The following MYO1B variants were observed in gnomAD, a reference collection of about 807,000 sequenced individuals.
MYO1B encodes the protein myosin IB.
MYO1B carries 72 observed loss-of-function variants against 159.7 expected under a neutral mutation model. That is an observed-to-expected ratio of 0.45 (90% CI 0.37 to 0.55). The LOEUF is 0.55. MYO1B is among the 20% of genes least tolerant of loss of function. The probability of loss-of-function intolerance (pLI) is 0.00; values close to 1 mark genes in which losing one functional copy is unlikely to be tolerated. For missense variants in MYO1B, 1,062 were observed against 1,364.8 expected (o/e 0.78, Z 3.50); for synonymous variants, 468 against 473.8 (o/e 0.99, Z 0.16).
intron 15 of MYO1B, among the ~76,000 whole-genome samples, chr2:191,384,691 C>T (rs1218626015): frequency 3.3e-5 from 5 of 152,194 alleles, no homozygotes; most frequent in African/African-American, 1.2e-4. Flanking sequence ...TTCAGAATTT[C>T]TGATTAGTAT....
chr2:191,383,494 G>GTATATATATATATATATA (rs372620525), intron 15 of MYO1B, 152 bp downstream of exon 15: 3 of 65,876 alleles, frequency 4.6e-5, no homozygotes, highest in Admixed American at 1.9e-4. Context: ...ATATATATGT[G>GTATATATATATATATATA]TATATATATA....
intron 13 of MYO1B, among the ~76,000 whole-genome samples, chr2:191,378,131 A>G (rs772002601): frequency 6.6e-6 from 1 of 152,054 alleles, no homozygotes; most frequent in Admixed American, 6.5e-5. Context: ...GAGCCTTAGC[A>G]CGGTACTACA....
intron 3 of MYO1B, among the ~76,000 whole-genome samples, chr2:191,297,556 T>G (rs1468024573): frequency 6.6e-6 from 1 of 152,220 alleles, no homozygotes; most frequent in African/African-American, 2.4e-5. Context: ...ACAGATGATA[T>G]GCTGAAAACA....
At chr2:191,402,762 A>C (rs1476646233) in intron 24 of MYO1B, 44 bp downstream of exon 24, 1 of 1,487,196 alleles carries the variant, frequency 6.7e-7, no homozygotes, top group East Asian at 2.3e-5. Flanking sequence ...GAACTTCATA[A>C]AGCCTAGCAC....
chr2:191,299,085 A>G (rs1427585981), intron 3 of MYO1B, among the ~76,000 whole-genome samples: 1 of 152,146 alleles, frequency 6.6e-6, no homozygotes, highest in Non-Finnish European at 1.5e-5. Flanking sequence ...GTTTAGATAT[A>G]TAATGTTTGG....
chr2:191,397,835 C>T (rs1349126400), intron 21 of MYO1B, among the ~76,000 whole-genome samples: 2 of 145,586 alleles, frequency 1.4e-5, no homozygotes, highest in Non-Finnish European at 1.5e-5. Flanking sequence ...ACCACCCCAC[C>T]ACCCTCCCAG....
At chr2:191,267,877 T>C (rs1687233505) in intron 1 of MYO1B, among the ~76,000 whole-genome samples, 1 of 152,234 alleles carries the variant, frequency 6.6e-6, no homozygotes, top group Non-Finnish European at 1.5e-5. Context: ...CTGATGGTCC[T>C]TTGCCAGTTA....
intron 1 of MYO1B, among the ~76,000 whole-genome samples, chr2:191,259,158 C>G (rs1189212081): frequency 6.6e-6 from 1 of 152,172 alleles, no homozygotes; most frequent in Non-Finnish European, 1.5e-5. Context: ...ATGTTGGGAG[C>G]CCAGTTTTGC....
At chr2:191,324,748 G>A (rs1236642887) in intron 3 of MYO1B, among the ~76,000 whole-genome samples, 2 of 152,078 alleles carry the variant, frequency 1.3e-5, no homozygotes, top group African/African-American at 4.8e-5. Context: ...TACTGGCATA[G>A]GACAAGACTG....
chr2:191,362,496 A>G (rs1693735106), intron 9 of MYO1B, 125 bp downstream of exon 9: 4 of 595,940 alleles, frequency 6.7e-6, no homozygotes, highest in Non-Finnish European at 1.1e-5. Context: ...AGAATTATAC[A>G]AGAATTCTAT....
chr2:191,299,603 T>G (rs944353056), intron 3 of MYO1B, among the ~76,000 whole-genome samples: 6 of 152,240 alleles, frequency 3.9e-5, no homozygotes, highest in Non-Finnish European at 8.8e-5. Flanking sequence ...GATCCGTTGC[T>G]TTTGCCACAT....
In MYO1B at chr2:191,385,703, A is replaced by G. The variant is rs372656994; in HGVS notation, c.1354-181A>G. On this transcript the variant is annotated intron_variant, in intron 15 of 30. Coordinates refer to ENST00000392318, the MANE Select transcript of MYO1B (RefSeq NM_001130158.3). The stretch of plus-strand genomic sequence containing the variant: ...CCACACCACCATACACACACCTGGG[A>G]TCCTTCAGGAAAGAGCTGATTCCTG... Among the ~76,000 whole-genome samples the G allele has an allele frequency of 4.2e-4, 64 of 152,262 alleles. No homozygotes were observed. The South Asian group carries it at 0.012, about 28-fold the overall frequency.
At chr2:191,341,956 A>T (rs967199328) in intron 5 of MYO1B, among the ~76,000 whole-genome samples, 8 of 152,160 alleles carry the variant, frequency 5.3e-5, no homozygotes, top group African/African-American at 1.4e-4. Context: ...AGAAACACTT[A>T]AGGACTCATT....
At chr2:191,419,351 T>TGG (rs1390414504) in intron 30 of MYO1B, among the ~76,000 whole-genome samples, 1 of 152,068 alleles carries the variant, frequency 6.6e-6, no homozygotes, top group Non-Finnish European at 1.5e-5. Flanking sequence ...CCCGAGTAGC[T>TGG]GGGACTACAG....
chr2:191,338,421 T>G (rs1369868041), intron 4 of MYO1B, among the ~76,000 whole-genome samples: 33 of 152,192 alleles, frequency 2.2e-4, no homozygotes, highest in Non-Finnish European at 1.5e-5. Flanking sequence ...AATGAATCCA[T>G]CTTTATATGC....
At chr2:191,384,665 T>A (rs1387497455) in intron 15 of MYO1B, among the ~76,000 whole-genome samples, 3 of 152,238 alleles carry the variant, frequency 2.0e-5, no homozygotes, top group African/African-American at 7.2e-5. Context: ...GGTAATTTGC[T>A]ATGGGAATCT....
intron 9 of MYO1B, 58 bp downstream of exon 9, chr2:191,362,429 G>C (rs1302118973): frequency 2.3e-6 from 3 of 1,294,184 alleles, no homozygotes; most frequent in Non-Finnish European, 2.2e-6. Flanking sequence ...TGCTCAGCGG[G>C]AGCTGGTAGC....
chr2:191,412,912 TAGG>T (rs1174678763), intron 27 of MYO1B, among the ~76,000 whole-genome samples: 16 of 152,226 alleles, frequency 1.1e-4, no homozygotes, highest in Non-Finnish European at 2.1e-4. Flanking sequence ...AGGCATATTC[TAGG>T]AGAAGAGGCT....
At position 191,400,438 on chromosome 2, in the gene MYO1B, G is replaced by T; in HGVS notation, c.2352G>T (p.Thr784=). ...AAAAGCGCTGTAAGGAAGCAGTCAC[G>T]ACCATTGCTGCATATTGGCATGGGA... ...KHQKRCKEAV[T]TIAAYWHGTQ... The change falls in exon 22 of 31, where the codon ACG becomes ACT. Residue 784 remains threonine, a synonymous_variant. Coordinates refer to ENST00000392318, the MANE Select transcript of MYO1B (RefSeq NM_001130158.3). 6.2e-7 allele frequency: 1 copy of T among 1,614,028 alleles called. No individual in the cohort carries two copies. The highest frequency in any genetic ancestry group is 8.5e-7 in the Non-Finnish European group (1 of 1,180,022).
Sources: gnomAD v4.1 joint callset for allele counts (sites outside exome capture counted in the v4.1 genomes callset) on GRCh38, gnomAD v4.1.1 for gene constraint, MANE v1.5 for transcripts, NCBI Gene and HGNC (gene_info 2026-07-23, HGNC 2026-07-21) for gene names.